The following MAP2 variants were observed in gnomAD, a reference collection of about 807,000 sequenced individuals.
MAP2 encodes microtubule-associated protein 2.
Under a neutral mutation model 137.6 loss-of-function variants are expected in MAP2, and 14 were observed. The observed-to-expected ratio is 0.10, with a 90% CI of 0.07 to 0.16. MAP2 has a LOEUF of 0.16. Among genes scored for constraint, MAP2 ranks in the 10% least tolerant of loss-of-function variants. The probability of loss-of-function intolerance (pLI) is 1.00; values close to 1 mark genes in which losing one functional copy is unlikely to be tolerated. For missense variants in MAP2, 2,088 were observed against 2,191.5 expected (o/e 0.95, Z 0.94); for synonymous variants, 786 against 782.3 (o/e 1.00, Z -0.08).
In MAP2 at chr2:209,693,278, G is replaced by C. The variant is rs1422571918; in HGVS notation, c.1108G>C (p.Glu370Gln). ...TGCCAAAGATAGTTTTAAAATTGAA[G>C]AGCCCCATGAGGCTAAACCTGACAA... ...ATAKDSFKIEEPHEAKPDKMA... is the reference protein window; with the variant it reads ...ATAKDSFKIEQPHEAKPDKMA... The change falls in exon 8 of 16, where the codon GAG (glutamate) becomes CAG (glutamine). Residue 370 changes from glutamate to glutamine, a missense_variant. Around this residue, in one of 6 missense-constraint regions of MAP2, gnomAD observed 859 missense variants for 794.5 expected, o/e 1.08. Coordinates refer to ENST00000682079, the MANE Select transcript of MAP2 (RefSeq NM_001375505.1). The C allele has an allele frequency of 1.2e-6, 2 of 1,614,008 alleles. No homozygotes were observed. Among genetic ancestry groups the C allele is most frequent in the Non-Finnish European group, 1.7e-6 (2 of 1,179,990 alleles).
chr2:209,633,140 T>C (rs1382277223), intron 4 of MAP2, among the ~76,000 whole-genome samples: 2 of 152,192 alleles, frequency 1.3e-5, no homozygotes, highest in African/African-American at 4.8e-5. Flanking sequence ...TTTAATTATT[T>C]ATTTTTGTAT....
intron 1 of MAP2, among the ~76,000 whole-genome samples, chr2:209,466,400 C>A (rs1409304806): frequency 6.6e-6 from 1 of 152,120 alleles, no homozygotes; most frequent in Non-Finnish European, 1.5e-5. Context: ...TTCCTCACCT[C>A]TCTAAGGTTT....
At chr2:209,565,471 C>T (rs1421826928) in intron 2 of MAP2, among the ~76,000 whole-genome samples, 2 of 152,054 alleles carry the variant, frequency 1.3e-5, no homozygotes, top group African/African-American at 2.4e-5. Context: ...CCTCCCACTT[C>T]GGTCTCCCAA....
At chr2:209,493,857 T>C (rs1473548701) in intron 1 of MAP2, among the ~76,000 whole-genome samples, 6 of 152,212 alleles carry the variant, frequency 3.9e-5, no homozygotes, top group Admixed American at 3.9e-4. Flanking sequence ...AGTTCAACCA[T>C]TGTGAAAGAC....
chr2:209,706,323 A>G (rs527624217), intron 12 of MAP2, among the ~76,000 whole-genome samples: 266 of 152,270 alleles, frequency 1.7e-3, no homozygotes, highest in African/African-American at 4.9e-3. Context: ...GTGGCAAACT[A>G]TCTAGTAAAG....
At chr2:209,573,363 G>T (rs1336349966) in intron 2 of MAP2, among the ~76,000 whole-genome samples, 1 of 140,184 alleles carries the variant, frequency 7.1e-6, no homozygotes, top group Non-Finnish European at 1.5e-5. Context: ...GCACGATCTC[G>T]GCTCACCACA....
intron 1 of MAP2, among the ~76,000 whole-genome samples, chr2:209,474,620 G>A (rs1706698807): frequency 6.6e-6 from 1 of 151,924 alleles, no homozygotes; most frequent in Admixed American, 6.6e-5. Flanking sequence ...ATATATGAGT[G>A]TGTATGTGTA....
rs1422348915 is a variant in MAP2 at position 209,676,195 on chromosome 2, A to C, written c.263-2377A>C. Among the ~76,000 whole-genome samples, 4 of 152,108 alleles carry C rather than the reference A, an allele frequency of 2.6e-5. No homozygotes were observed. In the East Asian group the frequency reaches 7.7e-4, roughly 29 times the overall value. Reference sequence around the variant, plus strand: ...AAATGTGGTACATATACACTGTGGAATACTATGCAGCCATAATAAAGAACA... The same window carrying C: ...AAATGTGGTACATATACACTGTGGACTACTATGCAGCCATAATAAAGAACA... On this transcript the variant is annotated intron_variant, in intron 5 of 15. Transcript: ENST00000682079.
At chr2:209,452,653 A>G (rs1700582869) in intron 1 of MAP2, among the ~76,000 whole-genome samples, 1 of 152,200 alleles carries the variant, frequency 6.6e-6, no homozygotes, top group African/African-American at 2.4e-5. Context: ...AATTCTGGAT[A>G]GCAATATATT....
intron 2 of MAP2, among the ~76,000 whole-genome samples, chr2:209,515,430 G>A (rs548480358): frequency 3.9e-5 from 6 of 152,142 alleles, no homozygotes; most frequent in African/African-American, 1.4e-4. Context: ...CATGGCTGGG[G>A]AGGCCCCAGG....
At chr2:209,689,299 GA>G (rs2153706348) in intron 7 of MAP2, among the ~76,000 whole-genome samples, 2 of 145,082 alleles carry the variant, frequency 1.4e-5, no homozygotes, top group African/African-American at 5.5e-5. Flanking sequence ...TGATAATGTA[GA>G]TTTTTTTTTC....
chr2:209,455,639 C>G (rs372141342), intron 1 of MAP2, among the ~76,000 whole-genome samples: 1 of 152,098 alleles, frequency 6.6e-6, no homozygotes, highest in Non-Finnish European at 1.5e-5. Flanking sequence ...ATAAAAAACA[C>G]GGCTTCATGT....
intron 1 of MAP2, among the ~76,000 whole-genome samples, chr2:209,449,259 T>G (rs1326823091): frequency 6.6e-6 from 1 of 152,064 alleles, no homozygotes; most frequent in Admixed American, 6.5e-5. Context: ...TTTAAAAAAT[T>G]AAAGAAGAAA....
chr2:209,702,330 C>G (rs2061993012), intron 11 of MAP2, among the ~76,000 whole-genome samples: 2 of 151,722 alleles, frequency 1.3e-5, no homozygotes, highest in South Asian at 4.1e-4. Context: ...TTCTTTTTTT[C>G]TCATTTATTA....
intron 1 of MAP2, among the ~76,000 whole-genome samples, chr2:209,500,526 A>G (rs976216765): frequency 8.5e-5 from 13 of 152,164 alleles, no homozygotes; most frequent in Non-Finnish European, 1.3e-4. Flanking sequence ...TTATCTTCAT[A>G]ACAGGATTTT....
intron 2 of MAP2, among the ~76,000 whole-genome samples, chr2:209,568,737 C>T (rs934413299): frequency 1.3e-5 from 2 of 151,772 alleles, no homozygotes; most frequent in African/African-American, 2.4e-5. Context: ...GTAATGGCCC[C>T]ACTTGTGGAG....
intron 2 of MAP2, among the ~76,000 whole-genome samples, chr2:209,534,625 G>A (rs2065675470): frequency 6.6e-6 from 1 of 152,134 alleles, no homozygotes; most frequent in African/African-American, 2.4e-5. Flanking sequence ...AGTATTCCAA[G>A]CTCTTGAGTC....
At chr2:209,663,618 C>T (rs1266995009) in intron 5 of MAP2, among the ~76,000 whole-genome samples, 2 of 152,028 alleles carry the variant, frequency 1.3e-5, no homozygotes, top group African/African-American at 2.4e-5. Flanking sequence ...TTCAGGAATA[C>T]GCAAGAAGGC....
At chr2:209,614,068 G>A (rs1043238053) in intron 3 of MAP2, among the ~76,000 whole-genome samples, 5 of 151,960 alleles carry the variant, frequency 3.3e-5, no homozygotes, top group Non-Finnish European at 7.4e-5. Context: ...TTTCAATACC[G>A]TGCAATGCCC....
Sources: allele counts gnomAD v4.1 joint callset (sites outside exome capture counted in the v4.1 genomes callset), GRCh38; gene constraint gnomAD v4.1.1; regional missense constraint gnomAD v4.1.1; transcripts MANE v1.5; gene names NCBI Gene and HGNC (gene_info 2026-07-23, HGNC 2026-07-21).